The following MAN1A2 variants were observed in gnomAD, a reference collection of about 807,000 sequenced individuals.
MAN1A2 encodes the protein mannosidase alpha class 1A member 2, also known as mannosyl-oligosaccharide 1,2-alpha-mannosidase IB.
Under a neutral mutation model 75.7 loss-of-function variants are expected in MAN1A2, and 26 were observed. The ratio of observed to expected loss-of-function variants is 0.34; its 90% CI spans 0.25 to 0.48. MAN1A2 has a LOEUF of 0.48. Among genes scored for constraint, MAN1A2 ranks in the 20% least tolerant of loss-of-function variants. The pLI is 0.99. For synonymous variants in MAN1A2, 247 were observed against 264.6 expected (o/e 0.93, Z 0.65); for missense variants, 562 against 775.5 (o/e 0.72, Z 3.27).
chr1:117,435,566 T>C lies in MAN1A2; in HGVS notation c.856-6665T>C, dbSNP rs562135106. 2.0e-5 allele frequency among the ~76,000 whole-genome samples: 3 copies of C among 152,258 alleles called. No homozygotes were observed. The East Asian group carries it at 5.8e-4, about 29-fold the overall frequency. On this transcript the variant is annotated intron_variant, in intron 5 of 12. Coordinates refer to ENST00000356554, the MANE Select transcript of MAN1A2 (RefSeq NM_006699.5). ...ATTTTGTAAAACTGGAAAAGTTACTTGTGTTATTATGTCAGTAGCAGCCAA... is the reference window on the plus strand; with the variant it reads ...ATTTTGTAAAACTGGAAAAGTTACTCGTGTTATTATGTCAGTAGCAGCCAA...
chr1:117,516,469 G>A (rs78462876), intron 12 of MAN1A2, among the ~76,000 whole-genome samples: 1 of 152,236 alleles, frequency 6.6e-6, no homozygotes, highest in Non-Finnish European at 1.5e-5. Context: ...AGACTTGAGA[G>A]TAGGGGATTC....
intron 1 of MAN1A2, among the ~76,000 whole-genome samples, chr1:117,373,441 C>T (rs918310059): frequency 6.7e-6 from 1 of 149,020 alleles, no homozygotes; most frequent in African/African-American, 2.5e-5. Flanking sequence ...TTGTATTTGA[C>T]GTTTGTCAAC....
chr1:117,376,317 G>GT lies in MAN1A2; in HGVS notation c.302+7833dup, dbSNP rs745691811. 2.5e-3 allele frequency among the ~76,000 whole-genome samples: 372 copies of GT among 151,510 alleles called. 1 individual carries two copies. Among genetic ancestry groups the GT allele is most frequent in the African/African-American group, 8.6e-3 (356 of 41,244 alleles). On this transcript the variant is annotated intron_variant, in intron 1 of 12. Transcript: ENST00000356554. Reference sequence around the variant, plus strand: ...AGACATCCGGTCCAGCATGACTCAAGTGAGTTTGGAGTGCAGGCATACAGC... The same window carrying GT: ...AGACATCCGGTCCAGCATGACTCAAGTTGAGTTTGGAGTGCAGGCATACAGC...
chr1:117,383,241 T>A (rs942654621), intron 1 of MAN1A2, among the ~76,000 whole-genome samples: 2 of 149,284 alleles, frequency 1.3e-5, no homozygotes, highest in African/African-American at 4.9e-5. Flanking sequence ...CCTTTCACTC[T>A]ATTAATGTGA....
rs189108101 is a variant in MAN1A2 at position 117,414,621 on chromosome 1, C to T, written c.656-92C>T. 86 of 664,522 alleles carry T rather than the reference C, an allele frequency of 1.3e-4. 1 individual carries two copies. The Admixed American group carries it at 1.6e-3, about 12-fold the overall frequency. 41.2% of individuals were successfully genotyped at this position (664,522 alleles called of 1,614,324 possible). ...TTTATACATAAATAATTAAAATACA[C>T]TGAATGTGAAGGGAATCTTTTTTTT... On this transcript the variant is annotated intron_variant, in intron 3 of 12. Transcript: ENST00000356554.
intron 5 of MAN1A2, among the ~76,000 whole-genome samples, chr1:117,421,748 T>G (rs2101781982): frequency 6.6e-6 from 1 of 152,206 alleles, no homozygotes; most frequent in South Asian, 2.1e-4. Context: ...CTCTAACATA[T>G]ATTTCTATAG....
At chr1:117,521,581 C>T (rs529361348) in intron 12 of MAN1A2, among the ~76,000 whole-genome samples, 40 of 152,036 alleles carry the variant, frequency 2.6e-4, no homozygotes, top group African/African-American at 7.9e-4. Flanking sequence ...CTAGTGGGAA[C>T]GTAAACTTAC....
chr1:117,429,515 G>A (rs1570736371), intron 5 of MAN1A2, among the ~76,000 whole-genome samples: 1 of 99,588 alleles, frequency 1.0e-5, no homozygotes, highest in African/African-American at 3.6e-5. Context: ...GGACGGGGCG[G>A]CTGGCCGGGC....
intron 3 of MAN1A2, among the ~76,000 whole-genome samples, chr1:117,406,479 T>A (rs1322487380): frequency 6.6e-6 from 1 of 152,130 alleles, no homozygotes; most frequent in East Asian, 1.9e-4. Context: ...AATTTTCTTT[T>A]TGACACTAGG....
At chr1:117,406,038 A>T (rs905265059) in intron 3 of MAN1A2, among the ~76,000 whole-genome samples, 4 of 152,096 alleles carry the variant, frequency 2.6e-5, no homozygotes, top group Non-Finnish European at 4.4e-5. Context: ...TACATTTTTT[A>T]AAAAAGTGAC....
At chr1:117,420,694 T>A in intron 5 of MAN1A2, 45 bp downstream of exon 5, 2 of 1,334,440 alleles carry the variant, frequency 1.5e-6, no homozygotes, top group Non-Finnish European at 2.1e-6. Context: ...GAGGGGAGGG[T>A]TGGAATTTAA....
intron 8 of MAN1A2, among the ~76,000 whole-genome samples, chr1:117,470,762 A>G (rs761023756): frequency 3.2e-4 from 49 of 152,004 alleles, no homozygotes; most frequent in Non-Finnish European, 5.4e-4. Context: ...TGAAAAGTAT[A>G]TCAAATTTTA....
intron 5 of MAN1A2, among the ~76,000 whole-genome samples, chr1:117,422,786 G>GATAGTTCTTTACATATTTTGAC (rs1272040415): frequency 2.6e-4 from 40 of 152,052 alleles, no homozygotes; most frequent in African/African-American, 8.7e-4. Context: ...ATTAAATTGT[G>GATAGTTCTTTACATATTTTGAC]ATAGTTCTTT....
At chr1:117,450,111 A>C (rs1412038965) in intron 6 of MAN1A2, among the ~76,000 whole-genome samples, 1 of 152,198 alleles carries the variant, frequency 6.6e-6, no homozygotes, top group Non-Finnish European at 1.5e-5. Flanking sequence ...CTTCCTTGAG[A>C]CTTGTTGAAT....
At chr1:117,384,499 ACTTATTTTGTGGCTCAAAATGTG>A (rs1392888548) in intron 1 of MAN1A2, among the ~76,000 whole-genome samples, 1 of 152,086 alleles carries the variant, frequency 6.6e-6, no homozygotes, top group East Asian at 1.9e-4. Context: ...ATTTATTGAG[ACTTATTTTGTGGCTCAAAATGTG>A]GTCTGTCCTG....
intron 9 of MAN1A2, 108 bp downstream of exon 9, chr1:117,493,370 T>C: frequency 1.7e-6 from 1 of 599,418 alleles, no homozygotes; most frequent in East Asian, 3.0e-5. Context: ...ATTCAGTAAA[T>C]ACATACAAAC....
intron 12 of MAN1A2, among the ~76,000 whole-genome samples, chr1:117,519,266 C>T (rs1429141035): frequency 6.6e-6 from 1 of 151,998 alleles, no homozygotes; most frequent in African/African-American, 2.4e-5. Context: ...TCTAAGATCA[C>T]ACCTCAAAGA....
chr1:117,481,615 C>T (rs1274792496), intron 8 of MAN1A2, among the ~76,000 whole-genome samples: 4 of 151,934 alleles, frequency 2.6e-5, no homozygotes, highest in Non-Finnish European at 5.9e-5. Context: ...CATGTGTCTG[C>T]AGGTAGATGA....
At chr1:117,378,515 TTTAG>T (rs1653229247) in intron 1 of MAN1A2, among the ~76,000 whole-genome samples, 1 of 152,184 alleles carries the variant, frequency 6.6e-6, no homozygotes, top group Non-Finnish European at 1.5e-5. Context: ...ATTTTTAGTT[TTTAG>T]TTTTTTTTGT....
Sources: gnomAD v4.1 joint callset for allele counts (sites outside exome capture counted in the v4.1 genomes callset) on GRCh38, gnomAD v4.1.1 for gene constraint, MANE v1.5 for transcripts, NCBI Gene and HGNC (gene_info 2026-07-23, HGNC 2026-07-21) for gene names.